Variants in MMS19 observed in about 807,000 individuals in gnomAD.
MMS19 encodes the protein MMS19 nucleotide excision repair protein homolog.
MMS19 carries 77 observed loss-of-function variants against 129.8 expected under a neutral mutation model. That is an observed-to-expected ratio of 0.59 (90% CI 0.49 to 0.72). The LOEUF is 0.72. MMS19 is among the 30% of genes least tolerant of loss of function. The pLI is 0.00. For missense variants in MMS19, 1,168 were observed against 1,266.3 expected (o/e 0.92, Z 1.18); for synonymous variants, 491 against 502.8 (o/e 0.98, Z 0.31).
chr10:97,496,863 G>T (rs191070373), intron 1 of MMS19, among the ~76,000 whole-genome samples: 1 of 152,276 alleles, frequency 6.6e-6, no homozygotes, highest in East Asian at 1.9e-4. Context: ...ACAGGTATCT[G>T]CAATTTAAAT....
chr10:97,465,702 T>C (rs1051259968), intron 18 of MMS19, 103 bp downstream of exon 18: 1 of 1,164,700 alleles, frequency 8.6e-7, no homozygotes, highest in Non-Finnish European at 1.2e-6. Flanking sequence ...TTTAAAAGAG[T>C]TGATTCTGTT....
chr10:97,473,489 A>G (rs1236421709), intron 8 of MMS19, among the ~76,000 whole-genome samples: 1 of 151,860 alleles, frequency 6.6e-6, no homozygotes, highest in African/African-American at 2.4e-5. Flanking sequence ...CTGAGGGGGT[A>G]AACCACAAAA....
At chr10:97,496,500 G>A (rs1341495173) in intron 1 of MMS19, among the ~76,000 whole-genome samples, 3 of 139,384 alleles carry the variant, frequency 2.2e-5, no homozygotes, top group African/African-American at 8.3e-5. Flanking sequence ...AGACAGAGAG[G>A]GACCTTGTCT....
At position 97,459,233 on chromosome 10, in the gene MMS19, G is replaced by T; in HGVS notation, c.2954C>A (p.Pro985His). Residue 985 changes from proline (P) to histidine (H), a missense_variant, in exon 29 of 31, where the codon CCC (proline) becomes CAC (histidine). By Grantham distance (77) the Pro-to-His change is moderately conservative. Transcript: ENST00000438925. ...LQCMHALTRLPTPVLLPYKPQ... is the reference protein window; with the variant it reads ...LQCMHALTRLHTPVLLPYKPQ... ...ACCTGAGGTACTTACCACAGGGGTGGGCAGGCGAGTGAGAGCATGCATGCA... is the reference window on the plus strand; with the variant it reads ...ACCTGAGGTACTTACCACAGGGGTGTGCAGGCGAGTGAGAGCATGCATGCA... The T allele has an allele frequency of 6.2e-7, 1 of 1,612,062 alleles. No homozygotes were observed. The highest frequency in any genetic ancestry group is 8.5e-7 in the Non-Finnish European group (1 of 1,179,230).
chr10:97,461,464 G>A (rs1257566365), intron 23 of MMS19, 32 bp downstream of exon 23: 1 of 1,602,368 alleles, frequency 6.2e-7, no homozygotes, highest in Non-Finnish European at 8.5e-7. Flanking sequence ...AGTTGATTCT[G>A]GGAGGCTCCT....
chr10:97,483,211 C>T (rs765968476), intron 2 of MMS19, among the ~76,000 whole-genome samples: 1 of 152,150 alleles, frequency 6.6e-6, no homozygotes, highest in Non-Finnish European at 1.5e-5. Flanking sequence ...TGCCACCACG[C>T]CTAGCTAATT....
rs779592502 is a variant in MMS19, at chr10:97,469,757, ACACT to A, written c.847-38_847-35del. On this transcript the variant is annotated intron_variant, in intron 10 of 30. Transcript: ENST00000438925. ...GAAACCGCTGCTATCAGTTATGTACACACTCAGACACCCTAGGATGTGCAGGTAC... is the reference window on the plus strand; with the variant it reads ...GAAACCGCTGCTATCAGTTATGTACACAGACACCCTAGGATGTGCAGGTAC... The A allele has an allele frequency of 3.8e-6, 6 of 1,581,136 alleles. 1 individual carries two copies. In the South Asian group the frequency reaches 6.6e-5, roughly 17 times the overall value.
Position 97,477,430 on chromosome 10 carries a change from GA to G in MMS19, c.424-15del. 6.2e-7 allele frequency: 1 copy of G among 1,613,930 alleles called. No homozygotes were observed. The highest frequency in any genetic ancestry group is 8.5e-7 in the Non-Finnish European group (1 of 1,179,850). ...CTGTGGCAGGGACTTGGGGGTGGGG[GA>G]GAAAGAAGTGAAGAAAATGCTCAAA... On this transcript the variant is annotated splice_polypyrimidine_tract_variant and intron_variant, in intron 5 of 30. Coordinates refer to ENST00000438925, the MANE Select transcript of MMS19 (RefSeq NM_022362.5).
intron 2 of MMS19, among the ~76,000 whole-genome samples, 197 bp from the exon 3 acceptor site, chr10:97,481,239 G>A (rs1408143694): frequency 6.6e-6 from 1 of 152,106 alleles, no homozygotes; most frequent in Non-Finnish European, 1.5e-5. Context: ...GCTTAAGAGC[G>A]ATCCTCAGAC....
intron 8 of MMS19, among the ~76,000 whole-genome samples, chr10:97,474,930 A>C (rs188718669): frequency 1.3e-5 from 2 of 152,326 alleles, no homozygotes; most frequent in Non-Finnish European, 2.9e-5. Flanking sequence ...AAATGGATGA[A>C]ATACTGTTCC....
At position 97,459,360 on chromosome 10, in the gene MMS19, A is replaced by G; in HGVS notation, c.2904+2T>C. 1 of 1,607,204 alleles carries G rather than the reference A, an allele frequency of 6.2e-7. No homozygotes were observed. Among genetic ancestry groups the G allele is most frequent in the South Asian group, 1.1e-5 (1 of 89,986 alleles). ...CCTAAGAGTTGCTGGGGCTCAACGC[A>G]CCATGGAAGGGCTAGAGCTGAGGTT... On this transcript the variant is annotated splice_donor_variant, in intron 28 of 30. Transcript: ENST00000438925. LOFTEE classifies it high-confidence loss of function.
At chr10:97,495,971 G>A (rs1379767737) in intron 1 of MMS19, among the ~76,000 whole-genome samples, 1 of 152,112 alleles carries the variant, frequency 6.6e-6, no homozygotes, top group Non-Finnish European at 1.5e-5. Flanking sequence ...CAGTAGAGCG[G>A]GGTTTCACCA....
chr10:97,483,006 C>T (rs1306884842), intron 2 of MMS19, among the ~76,000 whole-genome samples: 1 of 151,944 alleles, frequency 6.6e-6, no homozygotes, highest in African/African-American at 2.4e-5. Context: ...ATGATCCGCC[C>T]ACCTCGGCCT....
intron 8 of MMS19, among the ~76,000 whole-genome samples, chr10:97,476,299 A>T (rs2035760437): frequency 6.6e-6 from 1 of 152,160 alleles, no homozygotes; most frequent in African/African-American, 2.4e-5. Context: ...TCCTATCTTA[A>T]CTGTGAAGTC....
intron 2 of MMS19, among the ~76,000 whole-genome samples, chr10:97,483,065 A>G (rs2037166271): frequency 6.6e-6 from 1 of 150,864 alleles, no homozygotes; most frequent in African/African-American, 2.4e-5. Flanking sequence ...TGGCCTATAT[A>G]TATTTTTTGA....
chr10:97,484,340 A>C (rs1187168812), intron 1 of MMS19, among the ~76,000 whole-genome samples, 189 bp from the exon 2 acceptor site: 1 of 152,174 alleles, frequency 6.6e-6, no homozygotes, highest in African/African-American at 2.4e-5. Context: ...TTTGTATAAA[A>C]ATTGAAAAGA....
chr10:97,481,976 A>G (rs2135447864), intron 2 of MMS19, among the ~76,000 whole-genome samples: 1 of 152,274 alleles, frequency 6.6e-6, no homozygotes, highest in Non-Finnish European at 1.5e-5. Flanking sequence ...GGCAGTCGTG[A>G]CCAGCCTGGG....
At chr10:97,464,514 G>A (rs1238323917) in intron 18 of MMS19, among the ~76,000 whole-genome samples, 3 of 152,056 alleles carry the variant, frequency 2.0e-5, no homozygotes, top group Non-Finnish European at 2.9e-5. Context: ...AACAGTCTAC[G>A]AGTTACCAGG....
At chr10:97,496,999 T>C (rs2211243) in intron 1 of MMS19, among the ~76,000 whole-genome samples, 83,468 of 152,024 alleles carry the variant, frequency 0.55, 23,429 homozygotes, top group African/African-American at 0.66. Context: ...CATAATAAAA[T>C]ATGAGGGAAA....
Sources: gnomAD v4.1 joint callset for allele counts (sites outside exome capture counted in the v4.1 genomes callset) on GRCh38, gnomAD v4.1.1 for gene constraint, MANE v1.5 for transcripts, NCBI Gene and HGNC (gene_info 2026-07-23, HGNC 2026-07-21) for gene names.